PCNT: variants seen among roughly 807,000 people sequenced by gnomAD.
PCNT encodes pericentrin.
Under a neutral mutation model 380.4 loss-of-function variants are expected in PCNT, and 319 were observed. The observed-to-expected ratio is 0.84, with a 90% CI of 0.77 to 0.92. The LOEUF is 0.92. PCNT is among the 40% of genes least tolerant of loss of function. PCNT has a pLI of 0.00. For missense variants in PCNT, 4,400 were observed against 4,255.3 expected, an observed-to-expected ratio of 1.03 and a Z score of -0.95; for synonymous variants, 1,845 against 1,735.2, an observed-to-expected ratio of 1.06 and a Z score of -1.57.
intron 7 of PCNT, 125 bp from the exon 8 acceptor site, chr21:46,349,559 G>A (rs2084193184): frequency 2.0e-6 from 2 of 1,012,312 alleles, no homozygotes; most frequent in Non-Finnish European, 3.1e-6. Flanking sequence ...TCAAACGAGG[G>A]GCCCGGGGGC....
At chr21:46,377,753 G>C (rs879526392) in intron 15 of PCNT, among the ~76,000 whole-genome samples, 3 of 152,186 alleles carry the variant, frequency 2.0e-5, no homozygotes, top group Non-Finnish European at 4.4e-5. Flanking sequence ...AGGCTGAGGT[G>C]GGAGGACCAC....
Position 46,399,725 on chromosome 21 carries a change from A to G in PCNT, c.4720A>G (p.Ile1574Val). 1.9e-6 allele frequency: 3 copies of G among 1,614,164 alleles called. No homozygotes were observed. Among genetic ancestry groups the G allele is most frequent in the South Asian group, 1.1e-5 (1 of 91,080 alleles). The change falls in exon 25 of 47, where the codon ATC becomes GTC. Residue 1574 changes from isoleucine (I) to valine (V), a missense_variant. Ile to Val is a conservative substitution (Grantham distance 29, BLOSUM62 3). Coordinates refer to ENST00000359568, the MANE Select transcript of PCNT (RefSeq NM_006031.6). ...ACGTCTGGAGGAGATGAACATCAAC[A>G]TCAGGAAAAAAGTGGCCCAGCTCCA... The part of the protein sequence containing the change: ...IKRLEEMNIN[I>V]RKKVAQLQEE...
chr21:46,445,618 C>T lies in PCNT; in HGVS notation c.*291C>T, dbSNP rs2053732053. 2.2e-6 allele frequency: 1 copy of T among 446,306 alleles called. No homozygotes were observed. Among genetic ancestry groups the T allele is most frequent in the South Asian group, 3.2e-5 (1 of 30,826 alleles). 27.6% of individuals were successfully genotyped at this position (446,306 alleles called of 1,614,324 possible). Reference sequence around the variant, plus strand: ...GCTGTTGTGTGCCTATCGGCAGATCCATCCTTCCTGCCTCCAAGGAGGATA... The same window carrying T: ...GCTGTTGTGTGCCTATCGGCAGATCTATCCTTCCTGCCTCCAAGGAGGATA... On this transcript the variant is annotated 3_prime_UTR_variant, in exon 47 of 47. Transcript: ENST00000359568.
rs960272148 is a variant in PCNT, at chr21:46,386,918, G to A, written c.3464+935G>A. Among the ~76,000 whole-genome samples the A allele has an allele frequency of 5.9e-5, 9 of 152,030 alleles. 1 individual carries two copies. Among genetic ancestry groups the A allele is most frequent in the African/African-American group, 2.2e-4 (9 of 41,454 alleles). On this transcript the variant is annotated intron_variant, in intron 17 of 46. Coordinates refer to ENST00000359568, the MANE Select transcript of PCNT (RefSeq NM_006031.6). ...TGCTCCCATTGGCGTGTCCCCGCCC[G>A]AGGCCTCTGTGTCCTGCTGCTGCTC...
At chr21:46,329,382 A>G (rs2083484763) in intron 2 of PCNT, among the ~76,000 whole-genome samples, 1 of 152,248 alleles carries the variant, frequency 6.6e-6, no homozygotes, top group Admixed American at 6.5e-5. Flanking sequence ...GAAAATTAAC[A>G]GTGGTGGTCA....
intron 29 of PCNT, among the ~76,000 whole-genome samples, chr21:46,415,863 A>T (rs1274208099): frequency 6.6e-6 from 1 of 152,194 alleles, no homozygotes; most frequent in East Asian, 1.9e-4. Context: ...CCGCAGAAAT[A>T]GGTTATGACA....
At position 46,388,871 on chromosome 21, in the gene PCNT, G is replaced by T; in HGVS notation, c.3594G>T (p.Leu1198=). Residue 1198 remains leucine, a synonymous_variant, in exon 18 of 47, where the codon CTG becomes CTT. Transcript: ENST00000359568. The surrounding 1 kb of genome is among the most constrained non-coding windows in gnomAD (Gnocchi z 4.2). The part of the protein sequence containing the change: ...GLCLDDAGAG[L]ALSTAPALEE... ...GCCTGGATGACGCGGGCGCAGGCCT[G>T]GCCCTGTCGACAGGTGAGTGTGCCG... 6.2e-7 allele frequency: 1 copy of T among 1,604,370 alleles called. No homozygotes were observed.
chr21:46,326,607 T>C lies in PCNT; in HGVS notation c.267+18T>C, dbSNP rs759729283. On this transcript the variant is annotated intron_variant, in intron 2 of 46. Transcript: ENST00000359568. ...CAGCTCAGGTAGATTTGCTCAATGT[T>C]GTATTTGAACATTTCGCTTATCTTC... The C allele has an allele frequency of 1.2e-6, 2 of 1,607,488 alleles. No homozygotes were observed. The highest frequency in any genetic ancestry group is 4.5e-5 in the East Asian group (2 of 44,862).
chr21:46,333,725 A>G (rs1000285385), intron 2 of PCNT, among the ~76,000 whole-genome samples: 14 of 149,668 alleles, frequency 9.4e-5, no homozygotes, highest in Non-Finnish European at 1.8e-4. Context: ...ACATGGTGAA[A>G]CCCCCGGGAG....
chr21:46,334,924 T>A (rs2083684409), intron 3 of PCNT, among the ~76,000 whole-genome samples, 156 bp downstream of exon 3: 1 of 152,268 alleles, frequency 6.6e-6, no homozygotes, highest in African/African-American at 2.4e-5. Context: ...AGGCTCACCC[T>A]GTAGGCCCCA....
chr21:46,435,194 G>A (rs1398325401), intron 38 of PCNT, among the ~76,000 whole-genome samples: 2 of 152,098 alleles, frequency 1.3e-5, no homozygotes, highest in Non-Finnish European at 2.9e-5. Flanking sequence ...TGTGTTTTGG[G>A]CTTTTGCTTG....
rs757858684 is a variant in PCNT at position 46,430,155 on chromosome 21, C to T, written c.7836C>T (p.Asp2612=). Reference sequence around the variant, plus strand: ...CTGTAGTGCGAGATTTGAAGTCCGACCTCTGTGAGAGCAGGCAGAAGAGCG... The same window carrying T: ...CTGTAGTGCGAGATTTGAAGTCCGATCTCTGTGAGAGCAGGCAGAAGAGCG... ...EQTVVRDLKS[D]LCESRQKSEQ... The change falls in exon 36 of 47, where the codon GAC becomes GAT. Residue 2612 remains aspartate, a synonymous_variant. Transcript: ENST00000359568. The T allele has an allele frequency of 1.8e-5, 29 of 1,614,080 alleles. No individual in the cohort carries two copies. Among genetic ancestry groups the T allele is most frequent in the Non-Finnish European group, 2.3e-5 (27 of 1,180,030 alleles).
In PCNT at chr21:46,353,163, C is replaced by T. The variant is rs2084339555; in HGVS notation, c.1516C>T (p.Gln506Ter). The T allele has an allele frequency of 6.2e-7, 1 of 1,614,008 alleles. No individual in the cohort carries two copies. Among genetic ancestry groups the T allele is most frequent in the Non-Finnish European group, 8.5e-7 (1 of 1,180,038 alleles). Reference protein sequence around the residue: ...SRVEDLEQLKQREKTQHESEL... With the variant: ...SRVEDLEQLK Reference sequence around the variant, plus strand: ...TGTGGAAGATTTAGAACAGCTGAAGCAGCGAGAAAAAACCCAGCATGAGTC... The same window carrying T: ...TGTGGAAGATTTAGAACAGCTGAAGTAGCGAGAAAAAACCCAGCATGAGTC... The change falls in exon 10 of 47, where the codon CAG becomes TAG. Residue 506 changes from glutamine (Q) to a stop codon, truncating the protein, a stop_gained. Transcript: ENST00000359568. LOFTEE classifies it high-confidence loss of function.
At position 46,442,502 on chromosome 21, in the gene PCNT, GT is replaced by G; in HGVS notation, c.9635del (p.Leu3212TrpfsTer8). The G allele has an allele frequency of 1.2e-6, 2 of 1,604,370 alleles. No homozygotes were observed. Among genetic ancestry groups the G allele is most frequent in the Non-Finnish European group, 1.7e-6 (2 of 1,171,524 alleles). Reference sequence around the variant, plus strand: ...CTTGTCTCTTTTTTTTGTAGATTACGTTTTTTGGTTAAGAAATGGCAAGAAG... The same window carrying G: ...CTTGTCTCTTTTTTTTGTAGATTACGTTTTTGGTTAAGAAATGGCAAGAAG... ...VRVVIAILRL[R>X]FLVKKWQEVD... On this transcript the variant is annotated frameshift_variant, in exon 44 of 47. Transcript: ENST00000359568. LOFTEE classifies it high-confidence loss of function.
At chr21:46,359,289 T>C (rs1473928430) in intron 13 of PCNT, among the ~76,000 whole-genome samples, 1 of 145,028 alleles carries the variant, frequency 6.9e-6, no homozygotes, top group Non-Finnish European at 1.5e-5. Context: ...TTTATGCTTT[T>C]CACAGGCCAC....
At chr21:46,385,602 T>C (rs1373010865) in intron 16 of PCNT, among the ~76,000 whole-genome samples, 1 of 152,258 alleles carries the variant, frequency 6.6e-6, no homozygotes, top group African/African-American at 2.4e-5. Context: ...TTTTATTAAA[T>C]GTGCAGGTGC....
At chr21:46,347,942 G>A (rs148832797) in intron 6 of PCNT, among the ~76,000 whole-genome samples, 1,798 of 152,302 alleles carry the variant, frequency 0.012, 15 homozygotes, top group South Asian at 0.021. Flanking sequence ...CCTCACTGGG[G>A]ACCACAGGTA....
rs1032475017 is a variant in PCNT, at chr21:46,388,781, G to C, written c.3504G>C (p.Leu1168Phe). Reference protein sequence around the residue: ...LQDALRRLLGLFGETLRAAVT... With the variant: ...LQDALRRLLGFFGETLRAAVT... ...ACGCCCTGCGCAGGCTGCTGGGTTT[G>C]TTTGGAGAGACGCTGAGGGCAGCCG... Residue 1168 changes from leucine (L) to phenylalanine (F), a missense_variant, in exon 18 of 47, where the codon TTG becomes TTC. Transcript: ENST00000359568. The surrounding 1 kb of genome is among the most constrained non-coding windows in gnomAD (Gnocchi z 4.2). 6.2e-7 allele frequency: 1 copy of C among 1,613,840 alleles called. No homozygotes were observed. The highest frequency in any genetic ancestry group is 8.5e-7 in the Non-Finnish European group (1 of 1,179,982).
Position 46,351,536 on chromosome 21 carries a change from G to T in PCNT, c.1452G>T (p.Leu484Phe). The T allele has an allele frequency of 6.4e-7, 1 of 1,563,482 alleles. No individual in the cohort carries two copies. The highest frequency in any genetic ancestry group is 8.8e-7 in the Non-Finnish European group (1 of 1,133,738). Reference sequence around the variant, plus strand: ...CTGCCAGGACCAGTAGACAGGAATTGAGTGGTGAGGAATTGTATTGGAAAA... The same window carrying T: ...CTGCCAGGACCAGTAGACAGGAATTTAGTGGTGAGGAATTGTATTGGAAAA... ...LDSARTSRQE[L>F]SELHEQLLAR... Residue 484 changes from leucine to phenylalanine, a missense_variant, in exon 9 of 47, where the codon TTG becomes TTT. Coordinates refer to ENST00000359568, the MANE Select transcript of PCNT (RefSeq NM_006031.6).
Sources: gnomAD v4.1 joint callset for allele counts (sites outside exome capture counted in the v4.1 genomes callset) on GRCh38, gnomAD v4.1.1 for gene constraint, Gnocchi (gnomAD v3.1) non-coding constraint, MANE v1.5 for transcripts, NCBI Gene and HGNC (gene_info 2026-07-23, HGNC 2026-07-21) for gene names.